Variants in DHX32 observed in about 807,000 individuals in gnomAD.
The protein encoded by DHX32 is putative pre-mRNA-splicing factor ATP-dependent RNA helicase DHX32.
In DHX32, 51 loss-of-function variants were observed where a neutral mutation model predicts 70.0. The ratio of observed to expected loss-of-function variants is 0.73; its 90% CI spans 0.58 to 0.92. The LOEUF (loss-of-function observed/expected upper bound fraction) is 0.92, where lower values mean the gene tolerates loss of function less well. DHX32 is among the 40% of genes least tolerant of loss of function. The pLI, the probability that DHX32 is intolerant of heterozygous loss-of-function variation, is 0.00. For missense variants in DHX32, 762 were observed against 891.8 expected, an observed-to-expected ratio of 0.85 and a Z score of 1.85; for synonymous variants, 310 against 315.3, an observed-to-expected ratio of 0.98 and a Z score of 0.18.
At position 125,852,592 on chromosome 10, in the gene DHX32, G is replaced by T. The variant is rs1944105180; in HGVS notation, c.1143C>A (p.Ser381Arg). 5 of 1,613,762 alleles carry T rather than the reference G, an allele frequency of 3.1e-6. No homozygotes were observed. Among genetic ancestry groups the T allele is most frequent in the Non-Finnish European group, 4.2e-6 (5 of 1,179,930 alleles). The change falls in exon 5 of 11, where the codon AGC (serine) becomes AGA (arginine). Residue 381 changes from serine to arginine, a missense_variant. By Grantham distance (110) the Ser-to-Arg change is moderately radical. Coordinates refer to ENST00000284690, the MANE Select transcript of DHX32 (RefSeq NM_018180.3). ...GCTTGCGTATCTCTGCCTGGCTCTG[G>T]CTGATGGGCTGCATGACGAGCGAGT... Reference protein sequence around the residue: ...RANSLVMQPISQSQAEIRKQI... With the variant: ...RANSLVMQPIRQSQAEIRKQI...
At chr10:125,894,307 C>A (rs563232235) in intron 1 of DHX32, among the ~76,000 whole-genome samples, 1 of 152,252 alleles carries the variant, frequency 6.6e-6, no homozygotes, top group East Asian at 1.9e-4. Context: ...AACAATTTCT[C>A]TAAAGCCCTT....
rs1438945631 is a variant in DHX32, at chr10:125,852,278, G to T, written c.1351+15C>A. 2 of 1,611,086 alleles carry T rather than the reference G, an allele frequency of 1.2e-6. No homozygotes were observed. The highest frequency in any genetic ancestry group is 1.7e-6 in the Non-Finnish European group (2 of 1,177,982). Reference sequence around the variant, plus strand: ...CTCAGCCTAATGCCTGGCTGACATGGGAGCATAAGGCTACCTGGTCTGTTC... The same window carrying T: ...CTCAGCCTAATGCCTGGCTGACATGTGAGCATAAGGCTACCTGGTCTGTTC... On this transcript the variant is annotated intron_variant, in intron 6 of 10. Transcript: ENST00000284690.
chr10:125,876,410 A>C (rs746793253), intron 1 of DHX32, among the ~76,000 whole-genome samples: 7 of 152,248 alleles, frequency 4.6e-5, no homozygotes, highest in Non-Finnish European at 8.8e-5. Context: ...CAAATGTATA[A>C]TGAGAAACAT....
intron 1 of DHX32, among the ~76,000 whole-genome samples, chr10:125,874,395 AG>A (rs1168526869): frequency 3.3e-5 from 5 of 152,240 alleles, no homozygotes; most frequent in Admixed American, 3.3e-4. Flanking sequence ...CCCAATTAAC[AG>A]AAAATAAGCC....
intron 2 of DHX32, among the ~76,000 whole-genome samples, chr10:125,860,857 G>A (rs562288528): frequency 3.8e-5 from 4 of 104,090 alleles, no homozygotes; most frequent in Admixed American, 2.7e-4. Context: ...CCGGGTTCAC[G>A]CCATTCTGCC....
intron 1 of DHX32, among the ~76,000 whole-genome samples, chr10:125,868,875 C>T (rs912292694): frequency 1.3e-5 from 2 of 152,106 alleles, no homozygotes; most frequent in East Asian, 1.9e-4. Flanking sequence ...TCTAGATCCA[C>T]GGTGTGCTTC....
intron 6 of DHX32, among the ~76,000 whole-genome samples, chr10:125,850,360 T>C (rs1419747656): frequency 1.3e-5 from 2 of 148,708 alleles, no homozygotes; most frequent in Non-Finnish European, 3.0e-5. Context: ...CTTTCTTTTT[T>C]TTTTTTTTTT....
chr10:125,845,824 C>T (rs1036718045), intron 6 of DHX32, among the ~76,000 whole-genome samples: 4 of 152,258 alleles, frequency 2.6e-5, no homozygotes, highest in Non-Finnish European at 5.9e-5. Flanking sequence ...CCACCCGCAC[C>T]GTGAGGCAGG....
At chr10:125,881,535 A>G (rs1290437738), upstream of DHX32, among the ~76,000 whole-genome samples, 2 of 152,266 alleles carry the variant, frequency 1.3e-5, no homozygotes, top group African/African-American at 4.8e-5. Context: ...TACTTTAATG[A>G]AAAACATTTT....
intron 1 of DHX32, among the ~76,000 whole-genome samples, chr10:125,894,584 A>C (rs1000568413): frequency 6.6e-6 from 1 of 151,340 alleles, no homozygotes; most frequent in African/African-American, 2.4e-5. Context: ...ATATGATTAC[A>C]AAGTGTTTCA....
chr10:125,839,911 C>T (rs559054567), intron 8 of DHX32, among the ~76,000 whole-genome samples: 1 of 152,166 alleles, frequency 6.6e-6, no homozygotes, highest in Non-Finnish European at 1.5e-5. Flanking sequence ...TTAGTGTCAC[C>T]CATTCAGCAT....
At position 125,852,611 on chromosome 10, in the gene DHX32, A is replaced by T; in HGVS notation, c.1124T>A (p.Leu375His). Reference protein sequence around the residue: ...VYNPRIRANSLVMQPISQSQA... With the variant: ...VYNPRIRANSHVMQPISQSQA... ...GCTCTGGCTGATGGGCTGCATGACGAGCGAGTTTGCTCTTATTCTCGGGTT... is the reference window on the plus strand; with the variant it reads ...GCTCTGGCTGATGGGCTGCATGACGTGCGAGTTTGCTCTTATTCTCGGGTT... Residue 375 changes from leucine to histidine, a missense_variant, in exon 5 of 11, where the codon CTC (leucine) becomes CAC (histidine). Transcript: ENST00000284690. The T allele has an allele frequency of 1.9e-6, 3 of 1,612,862 alleles. No homozygotes were observed. The highest frequency in any genetic ancestry group is 1.7e-6 in the Non-Finnish European group (2 of 1,179,720).
In DHX32 at chr10:125,859,588, G is replaced by C; in HGVS notation, c.849+15C>G. The C allele has an allele frequency of 3.2e-6, 5 of 1,549,554 alleles. No homozygotes were observed. Among genetic ancestry groups the C allele is most frequent in the Non-Finnish European group, 4.3e-6 (5 of 1,152,138 alleles). ...AATACCTTATTACTGTAAGGTTAGAGTATCACTTACTTACTTGTTCACAGG... is the reference window on the plus strand; with the variant it reads ...AATACCTTATTACTGTAAGGTTAGACTATCACTTACTTACTTGTTCACAGG... On this transcript the variant is annotated intron_variant, in intron 3 of 10. Transcript: ENST00000284690.
chr10:125,876,622 G>T (rs769412549), intron 1 of DHX32, among the ~76,000 whole-genome samples: 1 of 152,152 alleles, frequency 6.6e-6, no homozygotes, highest in Non-Finnish European at 1.5e-5. Context: ...CACAAATGCA[G>T]AGCCGGAACC....
chr10:125,869,939 C>T (rs1564830357), intron 1 of DHX32, among the ~76,000 whole-genome samples: 1 of 152,044 alleles, frequency 6.6e-6, no homozygotes, highest in Admixed American at 6.6e-5. Context: ...GTAATAAAAC[C>T]ACGGGAAAAT....
chr10:125,861,744 T>C (rs1252249775), intron 2 of DHX32, among the ~76,000 whole-genome samples: 1 of 152,042 alleles, frequency 6.6e-6, no homozygotes, highest in Non-Finnish European at 1.5e-5. Context: ...TGCGCCTGGG[T>C]TCCTGTAAAC....
At position 125,838,996 on chromosome 10, in the gene DHX32, C is replaced by G. The variant is rs1478973778; in HGVS notation, c.1881+5G>C. The G allele has an allele frequency of 6.2e-7, 1 of 1,612,828 alleles. No individual in the cohort carries two copies. ...CTATGCTGAGGTGACCCCACCCCTT[C>G]TCACCTGCATAAAGTAACCGGACAG... is the stretch of plus-strand genomic sequence containing the variant. On this transcript the variant is annotated splice_donor_5th_base_variant and intron_variant, in intron 9 of 10. Transcript: ENST00000284690.
At chr10:125,855,220 CA>C (rs752413341) in intron 3 of DHX32, among the ~76,000 whole-genome samples, 1,070 of 73,628 alleles carry the variant, frequency 0.015, 11 homozygotes, top group African/African-American at 0.037. Context: ...GACTCCGTCT[CA>C]AAAAAAAAAA....
At chr10:125,888,045 A>C (rs1944349408) in intron 1 of DHX32, among the ~76,000 whole-genome samples, 1 of 152,218 alleles carries the variant, frequency 6.6e-6, no homozygotes, top group African/African-American at 2.4e-5. Context: ...ATTAGTCTGC[A>C]AAAATAAATC....
Sources: allele counts gnomAD v4.1 joint callset (sites outside exome capture counted in the v4.1 genomes callset), GRCh38; gene constraint gnomAD v4.1.1; transcripts MANE v1.5; gene names NCBI Gene and HGNC (gene_info 2026-07-23, HGNC 2026-07-21).